NME7: variants seen among roughly 807,000 people sequenced by gnomAD.
NME7 encodes NME/NM23 family member 7, also known as nucleoside diphosphate kinase 7.
In NME7, 41 loss-of-function variants were observed where a neutral mutation model predicts 49.1. The ratio of observed to expected loss-of-function variants is 0.83; its 90% confidence interval spans 0.65 to 1.08. The LOEUF (loss-of-function observed/expected upper bound fraction) is 1.08, where lower values mean the gene tolerates loss of function less well. NME7 is among the 50% of genes least tolerant of loss of function. The pLI, the probability that NME7 is intolerant of heterozygous loss-of-function variation, is 0.00. For synonymous variants in NME7, 139 were observed against 150.6 expected (o/e 0.92, Z 0.56); for missense variants, 423 against 463.4 (o/e 0.91, Z 0.80).
intron 11 of NME7, among the ~76,000 whole-genome samples, chr1:169,161,933 C>T (rs1204598097): frequency 2.6e-5 from 4 of 151,234 alleles, no homozygotes; most frequent in East Asian, 2.0e-4. Context: ...ACATCACTAT[C>T]GTAAAACCTA....
chr1:169,229,708 C>G (rs1187660765), intron 10 of NME7, among the ~76,000 whole-genome samples: 2 of 152,140 alleles, frequency 1.3e-5, no homozygotes. Flanking sequence ...TGCCTGTAAT[C>G]TCAACACTTT....
At chr1:169,230,578 A>G (rs1396642187) in intron 10 of NME7, 140 bp downstream of exon 10, 2 of 449,078 alleles carry the variant, frequency 4.5e-6, no homozygotes, top group African/African-American at 4.0e-5. Flanking sequence ...AATTTTATGA[A>G]GTGCCATTTT....
intron 7 of NME7, among the ~76,000 whole-genome samples, chr1:169,266,683 T>G (rs1401675107): frequency 1.5e-5 from 2 of 133,362 alleles, no homozygotes. Flanking sequence ...GATGACATGA[T>G]TCTATATCTA....
At chr1:169,182,698 A>T (rs915976674) in intron 10 of NME7, among the ~76,000 whole-genome samples, 2 of 152,192 alleles carry the variant, frequency 1.3e-5, no homozygotes, top group Non-Finnish European at 2.9e-5. Context: ...AAGGACTACA[A>T]CCTTTTTATA....
chr1:169,167,449 CTTAAAT>C (rs951578116), intron 11 of NME7, among the ~76,000 whole-genome samples: 13 of 151,896 alleles, frequency 8.6e-5, no homozygotes, highest in African/African-American at 3.1e-4. Flanking sequence ...CATTTAATCA[CTTAAAT>C]TTATTATTTC....
chr1:169,346,226 T>C (rs1218777040), intron 1 of NME7, among the ~76,000 whole-genome samples: 1 of 152,124 alleles, frequency 6.6e-6, no homozygotes, highest in Non-Finnish European at 1.5e-5. Context: ...ACCTCATTCC[T>C]CTGCTTAAAA....
chr1:169,218,411 C>T (rs762492675), intron 10 of NME7, among the ~76,000 whole-genome samples: 2 of 151,954 alleles, frequency 1.3e-5, no homozygotes, highest in Non-Finnish European at 2.9e-5. Flanking sequence ...CATGGTGGTA[C>T]CTCCTCTCTA....
intron 1 of NME7, among the ~76,000 whole-genome samples, chr1:169,341,134 C>G (rs545414429): frequency 6.6e-6 from 1 of 152,284 alleles, no homozygotes; most frequent in South Asian, 2.1e-4. Context: ...ACCTGGAAGG[C>G]TAGGAGAGAA....
At chr1:169,161,128 T>C (rs556652323) in intron 11 of NME7, among the ~76,000 whole-genome samples, 59 of 152,200 alleles carry the variant, frequency 3.9e-4, no homozygotes, top group Non-Finnish European at 4.0e-4. Context: ...GGATCCCTAA[T>C]GGCCTCAAGA....
intron 1 of NME7, among the ~76,000 whole-genome samples, chr1:169,341,318 T>G (rs1284341715): frequency 1.3e-5 from 2 of 152,116 alleles, no homozygotes; most frequent in East Asian, 3.9e-4. Flanking sequence ...CACATGGTGT[T>G]GGGATTGCAG....
chr1:169,328,389 G>C (rs1342912201), intron 1 of NME7, among the ~76,000 whole-genome samples: 1 of 152,172 alleles, frequency 6.6e-6, no homozygotes, highest in African/African-American at 2.4e-5. Context: ...CCAAAGCGAT[G>C]ATGGTGGCTT....
In NME7 at chr1:169,151,043, C is replaced by T. The variant is rs138798258; in HGVS notation, c.1099-18226G>A. 7.2e-3 allele frequency among the ~76,000 whole-genome samples: 1,093 copies of T among 152,230 alleles called. 6 individuals are homozygous for T. Among genetic ancestry groups the T allele is most frequent in the Non-Finnish European group, 0.012 (826 of 68,016 alleles). ...TGAAAGCCATTCTTAGCTCATGGGCCGCACAAAAACAGGCAGCAAGGGATG... is the reference window on the plus strand; with the variant it reads ...TGAAAGCCATTCTTAGCTCATGGGCTGCACAAAAACAGGCAGCAAGGGATG... On this transcript the variant is annotated intron_variant, in intron 11 of 11. Transcript: ENST00000367811.
intron 7 of NME7, among the ~76,000 whole-genome samples, chr1:169,253,940 T>C (rs1648767254): frequency 6.6e-6 from 1 of 150,416 alleles, no homozygotes; most frequent in African/African-American, 2.4e-5. Flanking sequence ...ATAAGCTTTT[T>C]GATGTGCTGC....
At chr1:169,254,457 T>A (rs1460504098) in intron 7 of NME7, among the ~76,000 whole-genome samples, 1 of 151,894 alleles carries the variant, frequency 6.6e-6, no homozygotes, top group Non-Finnish European at 1.5e-5. Context: ...TCTCTCTTTT[T>A]TTCTTTATTA....
At chr1:169,185,095 T>G (rs986676652) in intron 10 of NME7, among the ~76,000 whole-genome samples, 3 of 152,148 alleles carry the variant, frequency 2.0e-5, no homozygotes, top group Non-Finnish European at 4.4e-5. Flanking sequence ...TGAACTTCTT[T>G]CCATTCTGAA....
intron 1 of NME7, among the ~76,000 whole-genome samples, chr1:169,356,315 C>T (rs1425490916): frequency 1.3e-5 from 2 of 151,952 alleles, no homozygotes; most frequent in Non-Finnish European, 2.9e-5. Context: ...TTGTCAGGTG[C>T]TAAAGTGAAA....
At chr1:169,254,046 T>A (rs938290926) in intron 7 of NME7, among the ~76,000 whole-genome samples, 2 of 151,304 alleles carry the variant, frequency 1.3e-5, no homozygotes, top group African/African-American at 4.8e-5. Context: ...TGTCTCTGCC[T>A]GGCTTTGGTA....
In NME7 at chr1:169,272,790, C is replaced by T. The variant is rs948266679; in HGVS notation, c.754+14513G>A. Among the ~76,000 whole-genome samples the T allele has an allele frequency of 1.5e-5, 2 of 133,258 alleles. 1 individual carries two copies. The highest frequency in any genetic ancestry group is 3.5e-5 in the Non-Finnish European group (2 of 56,712). 87.4% of individuals were successfully genotyped at this position (133,258 alleles called of 152,430 possible). A position where few individuals can be genotyped will look rare whatever the true frequency, so the allele number is the denominator to read the frequency against. ...TGTATTTTTATAATAGAACGATTTA[C>T]ATTCCTTTGGGTATATACCCAGTAA... On this transcript the variant is annotated intron_variant, in intron 7 of 11. Coordinates refer to ENST00000367811, the MANE Select transcript of NME7 (RefSeq NM_013330.5).
intron 11 of NME7, among the ~76,000 whole-genome samples, chr1:169,152,964 A>AT (rs59637629): frequency 0.02 from 3,075 of 150,356 alleles, 108 homozygotes; most frequent in African/African-American, 0.071. Flanking sequence ...CATCATGGTG[A>AT]TTTTTTTTTT....
Sources: gnomAD v4.1 joint callset for allele counts (sites outside exome capture counted in the v4.1 genomes callset) on GRCh38, gnomAD v4.1.1 for gene constraint, MANE v1.5 for transcripts, NCBI Gene and HGNC (gene_info 2026-07-23, HGNC 2026-07-21) for gene names.